AARS2: variants seen among roughly 807,000 people sequenced by gnomAD.
The protein encoded by AARS2 is alanine--tRNA ligase, mitochondrial.
A neutral mutation model predicts 119.7 loss-of-function variants in AARS2; 78 were observed. That is an observed-to-expected ratio of 0.65 (90% CI 0.54 to 0.79). The LOEUF (loss-of-function observed/expected upper bound fraction) is 0.79. Among genes scored for constraint, AARS2 ranks in the 30% least tolerant of loss-of-function variants. The pLI, the probability that AARS2 is intolerant of heterozygous loss-of-function variation, is 0.00. For missense variants in AARS2, 1,157 were observed against 1,291.3 expected, an observed-to-expected ratio of 0.90 and a Z score of 1.59; for synonymous variants, 502 against 526.3, an observed-to-expected ratio of 0.95 and a Z score of 0.63.
Position 44,305,779 on chromosome 6 carries a change from C to T in AARS2, c.1308G>A (p.Val436=), listed in dbSNP as rs1382708745. 2 of 1,614,006 alleles carry T rather than the reference C, an allele frequency of 1.2e-6. No individual in the cohort carries two copies. Residue 436 remains valine (V), a synonymous_variant, in exon 10 of 22, where the codon GTG becomes GTA. Coordinates refer to ENST00000244571, the MANE Select transcript of AARS2 (RefSeq NM_020745.4). The surrounding 1 kb of genome is among the most constrained non-coding windows in gnomAD (Gnocchi z 4.6). The stretch of plus-strand genomic sequence containing the variant: ...CTCCACACAGTGACAAGGACCAGGC[C>T]ACTTCAGCTTTGAGAAAGAAAGACA... The part of the protein sequence containing the change: ...LGPSDMFPAE[V]AWSLSLCGDL...
rs1461346857 is a variant in AARS2 at position 44,306,970 on chromosome 6, G to T, written c.1102C>A (p.Pro368Thr). 5.6e-6 allele frequency: 9 copies of T among 1,614,066 alleles called. No homozygotes were observed. Among genetic ancestry groups the T allele is most frequent in the Admixed American group, 1.7e-5 (1 of 60,002 alleles). ...ACCAGGCTGCCTAGGAAGCCAGGTG[G>T]TGCCTTTAAGATCTCCATGGAGAAA... ...VRFSMEILKA[P>T]PGFLGSLVPV... The change falls in exon 7 of 22, where the codon CCA becomes ACA. Residue 368 changes from proline (P) to threonine (T), a missense_variant. Physicochemically the swap from Pro to Thr is conservative, Grantham distance 38 (BLOSUM62 -1). Coordinates refer to ENST00000244571, the MANE Select transcript of AARS2 (RefSeq NM_020745.4).
In AARS2 at chr6:44,313,106, A is replaced by T; in HGVS notation, c.218T>A (p.Leu73His). 1 of 1,613,628 alleles carries T rather than the reference A, an allele frequency of 6.2e-7. No homozygotes were observed. The highest frequency in any genetic ancestry group is 8.5e-7 in the Non-Finnish European group (1 of 1,179,954). ...CTGGTTCATGCCCGCATTGACAAAA[A>T]GCAAACTGGGGTCGCCGCGGGGCCG... ...SVRPRGDPSLLFVNAGMNQFK... is the reference protein window; with the variant it reads ...SVRPRGDPSLHFVNAGMNQFK... Residue 73 changes from leucine to histidine, a missense_variant, in exon 1 of 22, where the codon CTT becomes CAT. Leu to His is a moderately conservative substitution (Grantham distance 99, BLOSUM62 -3). Transcript: ENST00000244571.
chr6:44,308,275 C>T (rs1239740148), intron 5 of AARS2, among the ~76,000 whole-genome samples: 1 of 152,174 alleles, frequency 6.6e-6, no homozygotes, highest in Non-Finnish European at 1.5e-5. Context: ...CGGTGGCTCA[C>T]ACCTGTAATC....
At chr6:44,304,349 T>C (rs1428580607) in intron 13 of AARS2, 28 bp from the exon 14 acceptor site, 1 of 1,614,026 alleles carries the variant, frequency 6.2e-7, no homozygotes, top group Non-Finnish European at 8.5e-7. Context: ...CCCAGCGTCC[T>C]GGGTGAGGGC....
intron 21 of AARS2, 175 bp downstream of exon 21, chr6:44,300,980 GT>G: frequency 1.4e-6 from 1 of 725,896 alleles, no homozygotes; most frequent in Non-Finnish European, 2.3e-6. Context: ...GCCTTCTGGG[GT>G]GGGGAGGGGC....
In AARS2 at chr6:44,305,863, C is replaced by T; in HGVS notation, c.1301-77G>A. 1.3e-6 allele frequency: 2 copies of T among 1,567,484 alleles called. No homozygotes were observed. Among genetic ancestry groups the T allele is most frequent in the Admixed American group, 1.7e-5 (1 of 59,128 alleles). On this transcript the variant is annotated intron_variant, in intron 9 of 21. Coordinates refer to ENST00000244571, the MANE Select transcript of AARS2 (RefSeq NM_020745.4). This position sits in a 1 kb window ranked among gnomAD's most constrained non-coding sequence, Gnocchi z 4.6. ...AAGGGGAGAAAAATAAGGTCCAGGGCCCTTCTAACCACGCAGAAGCCACCA... is the reference window on the plus strand; with the variant it reads ...AAGGGGAGAAAAATAAGGTCCAGGGTCCTTCTAACCACGCAGAAGCCACCA...
rs138119149 is a variant in AARS2 at position 44,304,512 on chromosome 6, G to A, written c.1774C>T (p.Arg592Trp). 399 of 1,614,004 alleles carry A rather than the reference G, an allele frequency of 2.5e-4. No homozygotes were observed. The highest frequency in any genetic ancestry group is 3.0e-4 in the Non-Finnish European group (349 of 1,180,012). ...GQEDVLFPVARAQVCGGFILH... is the reference protein window; with the variant it reads ...GQEDVLFPVAWAQVCGGFILH... ...ATGAAACCTCCACAGACCTGGGCCCGGGCTACTGGGAACAGCACGTCCTGA... is the reference window on the plus strand; with the variant it reads ...ATGAAACCTCCACAGACCTGGGCCCAGGCTACTGGGAACAGCACGTCCTGA... Residue 592 changes from arginine (R) to tryptophan (W), a missense_variant, in exon 13 of 22, where the codon CGG (arginine) becomes TGG (tryptophan). Physicochemically the swap from Arg to Trp is moderately radical, Grantham distance 101. Transcript: ENST00000244571.
chr6:44,312,113 C>T lies in AARS2; in HGVS notation c.394G>A (p.Glu132Lys). Residue 132 changes from glutamate (E) to lysine (K), a missense_variant, in exon 2 of 22, where the codon GAA (glutamate) becomes AAA (lysine). Transcript: ENST00000244571. ...GRDLSHHTFF[E>K]MLGNWAFGGE... The stretch of plus-strand genomic sequence containing the variant: ...CCAAAGGCCCAATTGCCAAGCATTT[C>T]AAAGAAGGTATGATGGGAAAGGTCT... 6.2e-7 allele frequency: 1 copy of T among 1,614,222 alleles called. No homozygotes were observed. The highest frequency in any genetic ancestry group is 8.5e-7 in the Non-Finnish European group (1 of 1,180,050).
chr6:44,303,537 T>C (rs779925492), intron 14 of AARS2, 114 bp from the exon 15 acceptor site: 20 of 1,504,014 alleles, frequency 1.3e-5, no homozygotes, highest in Non-Finnish European at 1.8e-5. Context: ...TCTAGAATAG[T>C]GGCTAGCACA....
rs1785949194 is a variant in AARS2 at position 44,307,343 on chromosome 6, GC to G, written c.945del (p.Arg316AlafsTer50). ...YLGRVGVADE[G>X]RTDTAYRVVA... Reference sequence around the variant, plus strand: ...ACCACGCGGTACGCTGTGTCTGTGCGCCCCTCGTCTGCCACCCCTACTCGGC... The same window carrying G: ...ACCACGCGGTACGCTGTGTCTGTGCGCCCTCGTCTGCCACCCCTACTCGGC... On this transcript the variant is annotated frameshift_variant, in exon 6 of 22. Coordinates refer to ENST00000244571, the MANE Select transcript of AARS2 (RefSeq NM_020745.4). LOFTEE classifies it high-confidence loss of function. This position sits in a 1 kb window ranked among gnomAD's most constrained non-coding sequence, Gnocchi z 4.4. 6.2e-7 allele frequency: 1 copy of G among 1,611,828 alleles called. No homozygotes were observed. Among genetic ancestry groups the G allele is most frequent in the East Asian group, 2.2e-5 (1 of 44,816 alleles).
chr6:44,306,608 T>G (rs1185600334), intron 7 of AARS2, 76 bp from the exon 8 acceptor site: 2 of 1,520,928 alleles, frequency 1.3e-6, no homozygotes, highest in African/African-American at 1.4e-5. Context: ...TGGGCCTCCC[T>G]GAGGACACCT....
chr6:44,307,088 G>T lies in AARS2; in HGVS notation c.1041-57C>A. On this transcript the variant is annotated intron_variant, in intron 6 of 21. Transcript: ENST00000244571. This position sits in a 1 kb window ranked among gnomAD's most constrained non-coding sequence, Gnocchi z 4.4. ...CCAGCGGCTCATGGTCAGCAATATG[G>T]GGAGTGGGAAGGACGAGGTCCAGTG... The T allele has an allele frequency of 6.2e-7, 1 of 1,603,542 alleles. No homozygotes were observed. Among genetic ancestry groups the T allele is most frequent in the Non-Finnish European group, 8.5e-7 (1 of 1,171,588 alleles).
At chr6:44,300,856 GAGA>G (rs1167821437) in intron 21 of AARS2, 145 bp from the exon 22 acceptor site, 4 of 1,088,656 alleles carry the variant, frequency 3.7e-6, no homozygotes, top group African/African-American at 3.1e-5. Context: ...TGATGAGCCG[GAGA>G]AGGTTTGGGC....
At position 44,306,437 on chromosome 6, in the gene AARS2, G is replaced by A. The variant is rs774031712; in HGVS notation, c.1189-46C>T. 6 of 1,613,838 alleles carry A rather than the reference G, an allele frequency of 3.7e-6. No individual in the cohort carries two copies. The African/African-American group carries it at 6.7e-5, about 18-fold the overall frequency. ...GTGGAGCTGGGTCTCCTTGGAAGGA[G>A]GGTCTCTCTCCACAACTCTCCCATC... On this transcript the variant is annotated intron_variant, in intron 8 of 21. Coordinates refer to ENST00000244571, the MANE Select transcript of AARS2 (RefSeq NM_020745.4).
At position 44,300,398 on chromosome 6, in the gene AARS2, C is replaced by T. The variant is rs325009; in HGVS notation, c.*149G>A. 0.95 allele frequency: 1,083,477 copies of T among 1,137,228 alleles called. 518,689 individuals carry two copies. Among genetic ancestry groups the T allele is most frequent in the East Asian group, 1 (42,464 of 42,510 alleles). 70.4% of individuals were successfully genotyped at this position (1,137,228 alleles called of 1,614,324 possible). ...CCCTAGCCCATGTCTCCTTGTGTCA[C>T]GTAGGCCCTGGCCCAGGTGATCTTC... On this transcript the variant is annotated 3_prime_UTR_variant, in exon 22 of 22. Transcript: ENST00000244571.
intron 9 of AARS2, among the ~76,000 whole-genome samples, 192 bp downstream of exon 9, chr6:44,306,088 A>C (rs1785818381): frequency 6.6e-6 from 1 of 152,150 alleles, no homozygotes; most frequent in African/African-American, 2.4e-5. Context: ...GGCACTGTGG[A>C]CATGGGGAGA....
chr6:44,303,055 G>A lies in AARS2; in HGVS notation c.2255+11C>T. 1 of 1,613,874 alleles carries A rather than the reference G, an allele frequency of 6.2e-7. No homozygotes were observed. The highest frequency in any genetic ancestry group is 8.5e-7 in the Non-Finnish European group (1 of 1,179,938). On this transcript the variant is annotated intron_variant, in intron 16 of 21. Transcript: ENST00000244571. The stretch of plus-strand genomic sequence containing the variant: ...GGCCCCTGGGCCAGGCAGCACAAAG[G>A]AGTGACTCACGTCCCACAGCATAGC...
intron 19 of AARS2, among the ~76,000 whole-genome samples, chr6:44,301,764 G>A (rs573563599): frequency 5.2e-4 from 79 of 152,336 alleles, no homozygotes; most frequent in African/African-American, 1.5e-3. Flanking sequence ...AGGAGTGGGC[G>A]GGAGAAAGGG....
chr6:44,306,840 G>T (rs1785899019), intron 7 of AARS2, 83 bp downstream of exon 7: 1 of 1,332,834 alleles, frequency 7.5e-7, no homozygotes, highest in Non-Finnish European at 1.1e-6. Context: ...GGGCACCCAG[G>T]CTGGGGGCAC....
Sources: allele counts gnomAD v4.1 joint callset (sites outside exome capture counted in the v4.1 genomes callset), GRCh38; gene constraint gnomAD v4.1.1; non-coding constraint Gnocchi (gnomAD v3.1); transcripts MANE v1.5; gene names NCBI Gene and HGNC (gene_info 2026-07-23, HGNC 2026-07-21).